The following CEP350 variants were observed in gnomAD, a reference collection of about 807,000 sequenced individuals.
CEP350 encodes centrosome-associated protein 350.
A neutral mutation model predicts 331.8 loss-of-function variants in CEP350; 126 were observed. The ratio of observed to expected loss-of-function variants is 0.38; its 90% CI spans 0.33 to 0.44. CEP350 has a LOEUF of 0.44. CEP350 is among the 20% of genes least tolerant of loss of function. The pLI, the probability that CEP350 is intolerant of heterozygous loss-of-function variation, is 1.00. For missense variants in CEP350, 3,406 were observed against 3,634.6 expected, an observed-to-expected ratio of 0.94 and a Z score of 1.62; for synonymous variants, 1,200 against 1,259.5, an observed-to-expected ratio of 0.95 and a Z score of 1.00.
In CEP350 at chr1:180,031,494, G is replaced by A. The variant is rs144918150; in HGVS notation, c.3725G>A (p.Ser1242Asn). The A allele has an allele frequency of 1.4e-4, 199 of 1,381,128 alleles. 1 individual carries two copies. The East Asian group carries it at 4.3e-3, about 30-fold the overall frequency. The allele number at this position is 1,381,128 out of a possible 1,614,324, so 85.6% of individuals were successfully genotyped here. ...TLEDLSGHSV[S>N]VSSDKGRSQK... ...GAGGATCTTTCTGGACATTCTGTGA[G>A]GTAATGTATATTTTATACTGTAATT... The change falls in exon 15 of 38, where the codon AGT becomes AAT. Residue 1242 changes from serine to asparagine, a missense_variant and splice_region_variant. By Grantham distance (46) the Ser-to-Asn change is conservative (BLOSUM62 1). Around this residue, in one of 5 missense-constraint regions of CEP350, gnomAD observed 1,857 missense variants for 1,909.2 expected, o/e 0.97. Coordinates refer to ENST00000367607, the MANE Select transcript of CEP350 (RefSeq NM_014810.5).
intron 1 of CEP350, among the ~76,000 whole-genome samples, chr1:179,961,553 T>C (rs753863189): frequency 1.8e-4 from 28 of 152,224 alleles, no homozygotes; most frequent in Admixed American, 7.2e-4. Context: ...CAATCCACGA[T>C]ATTGTTTTGT....
chr1:180,022,256 AT>A (rs1558107419), intron 12 of CEP350, among the ~76,000 whole-genome samples: 1 of 151,560 alleles, frequency 6.6e-6, no homozygotes, highest in African/African-American at 2.4e-5. Flanking sequence ...AATCAACATC[AT>A]TTTTAATAAG....
chr1:180,063,412 C>T (rs1049375179), intron 26 of CEP350, among the ~76,000 whole-genome samples: 7 of 151,434 alleles, frequency 4.6e-5, no homozygotes. Context: ...AGGCTGGTCT[C>T]CAACTCCTGG....
intron 25 of CEP350, among the ~76,000 whole-genome samples, chr1:180,055,937 A>G (rs987973056): frequency 6.6e-6 from 1 of 152,166 alleles, no homozygotes; most frequent in African/African-American, 2.4e-5. Flanking sequence ...TAAAATAAGT[A>G]AATAACTTTC....
intron 21 of CEP350, among the ~76,000 whole-genome samples, chr1:180,046,077 C>T (rs1018352316): frequency 2.0e-5 from 3 of 152,220 alleles, no homozygotes; most frequent in African/African-American, 4.8e-5. Flanking sequence ...TTAGCTCTCA[C>T]CTAAGTGTTC....
intron 21 of CEP350, among the ~76,000 whole-genome samples, chr1:180,045,614 T>A (rs911072179): frequency 1.3e-5 from 2 of 152,220 alleles, no homozygotes; most frequent in African/African-American, 4.8e-5. Flanking sequence ...ATTTAACCTT[T>A]ACTGACACCT....
chr1:180,055,841 G>A (rs1037227071), intron 25 of CEP350, among the ~76,000 whole-genome samples: 6 of 151,546 alleles, frequency 4.0e-5, no homozygotes, highest in Non-Finnish European at 5.9e-5. Context: ...CACCTTACCC[G>A]GCCTGAATTC....
chr1:180,074,791 T>G (rs1659119669), intron 27 of CEP350, among the ~76,000 whole-genome samples: 1 of 152,222 alleles, frequency 6.6e-6, no homozygotes, highest in African/African-American at 2.4e-5. Context: ...ACTGTTATCT[T>G]TCCTTTGCTA....
Position 180,014,414 on chromosome 1 carries a change from C to T in CEP350, c.1961C>T (p.Thr654Ile). The T allele has an allele frequency of 3.1e-6, 5 of 1,607,066 alleles. No homozygotes were observed. Among genetic ancestry groups the T allele is most frequent in the Non-Finnish European group, 4.2e-6 (5 of 1,176,672 alleles). ...KNVPPSEPSA[T>I]RRLQETYSKL... ...GTCCCTCCTTCTGAGCCATCAGCAA[C>T]TAGGCGACTACAGGAAACTTACTCC... Residue 654 changes from threonine (T) to isoleucine (I), a missense_variant, in exon 10 of 38, where the codon ACT becomes ATT. Thr to Ile is a moderately conservative substitution (Grantham distance 89). Transcript: ENST00000367607.
intron 11 of CEP350, among the ~76,000 whole-genome samples, chr1:180,018,254 A>AT (rs1249152724): frequency 1.3e-5 from 2 of 152,050 alleles, no homozygotes; most frequent in East Asian, 3.9e-4. Flanking sequence ...GCCTCAAGTG[A>AT]TTGATTCTTC....
intron 1 of CEP350, among the ~76,000 whole-genome samples, chr1:179,959,038 A>G (rs1352524648): frequency 2.6e-5 from 4 of 152,154 alleles, no homozygotes; most frequent in Non-Finnish European, 5.9e-5. Flanking sequence ...TTTTTTCTAA[A>G]AAAAGGAAGT....
intron 8 of CEP350, among the ~76,000 whole-genome samples, chr1:180,011,201 G>A (rs1053642104): frequency 1.3e-5 from 2 of 152,054 alleles, no homozygotes; most frequent in African/African-American, 4.8e-5. Context: ...AAAGTAGTGT[G>A]TACTTTTGGT....
rs1375676071 is a variant in CEP350, at chr1:180,093,148, A to C, written c.7043A>C (p.Lys2348Thr). The change falls in exon 34 of 38, where the codon AAA (lysine) becomes ACA (threonine). Residue 2348 changes from lysine (K) to threonine (T), a missense_variant. By Grantham distance (78) the Lys-to-Thr change is moderately conservative (BLOSUM62 -1). Coordinates refer to ENST00000367607, the MANE Select transcript of CEP350 (RefSeq NM_014810.5). ...CATAGTCCAAACATCCAATCAGGAAAAGACATTCACGAACAAAAGAACACA... is the reference window on the plus strand; with the variant it reads ...CATAGTCCAAACATCCAATCAGGAACAGACATTCACGAACAAAAGAACACA... Reference protein sequence around the residue: ...MNHSPNIQSGKDIHEQKNTKE... With the variant: ...MNHSPNIQSGTDIHEQKNTKE... The C allele has an allele frequency of 6.2e-7, 1 of 1,600,476 alleles. No individual in the cohort carries two copies. The highest frequency in any genetic ancestry group is 8.5e-7 in the Non-Finnish European group (1 of 1,172,682).
At chr1:180,038,015 C>T (rs181284320) in intron 17 of CEP350, among the ~76,000 whole-genome samples, 269 of 152,132 alleles carry the variant, frequency 1.8e-3, no homozygotes, top group Middle Eastern at 3.4e-3. Flanking sequence ...GATATAGAAC[C>T]CTTACATTGT....
In CEP350 at chr1:180,037,009, C is replaced by T. The variant is rs755982034; in HGVS notation, c.4030C>T (p.Arg1344Cys). ...SYLNAIEESVRQLSDVERVRG... is the reference protein window; with the variant it reads ...SYLNAIEESVCQLSDVERVRG... ...TCTGAACGCCATTGAGGAGTCGGTG[C>T]GCCAACTGTCAGATGTAGAAAGAGT... The change falls in exon 17 of 38, where the codon CGC becomes TGC. Residue 1344 changes from arginine to cysteine, a missense_variant. By Grantham distance (180) the Arg-to-Cys change is radical. This residue lies in a region of CEP350 where 1,857 missense variants were observed against 1,909.2 expected (regional missense o/e 0.97). Transcript: ENST00000367607. The T allele has an allele frequency of 6.9e-6, 11 of 1,602,264 alleles. No homozygotes were observed. The Admixed American group carries it at 1.2e-4, about 18-fold the overall frequency.
chr1:180,016,319 T>C (rs61554984), intron 11 of CEP350, among the ~76,000 whole-genome samples: 1 of 152,246 alleles, frequency 6.6e-6, no homozygotes, highest in Non-Finnish European at 1.5e-5. Flanking sequence ...TTGTGTCTAC[T>C]GCTATTTAAA....
At chr1:180,065,318 A>G (rs1349773876) in intron 27 of CEP350, 46 bp downstream of exon 27, 2 of 1,526,522 alleles carry the variant, frequency 1.3e-6, no homozygotes, top group Non-Finnish European at 1.8e-6. Flanking sequence ...CATTGAAAGT[A>G]GTACAACAAA....
At chr1:180,017,278 A>C (rs539996287) in intron 11 of CEP350, among the ~76,000 whole-genome samples, 2 of 152,312 alleles carry the variant, frequency 1.3e-5, no homozygotes, top group South Asian at 4.1e-4. Context: ...AATGTTTCAT[A>C]TGATTTGCTT....
intron 1 of CEP350, among the ~76,000 whole-genome samples, chr1:179,958,196 T>C (rs114217600): frequency 0.012 from 1,769 of 152,208 alleles, 36 homozygotes; most frequent in African/African-American, 0.04. Context: ...AACTTAAAAA[T>C]GAATCTGAAC....
Sources: gnomAD v4.1 joint callset for allele counts (sites outside exome capture counted in the v4.1 genomes callset) on GRCh38, gnomAD v4.1.1 for gene constraint, gnomAD v4.1.1 regional missense constraint, MANE v1.5 for transcripts, NCBI Gene and HGNC (gene_info 2026-07-23, HGNC 2026-07-21) for gene names.